Variants in SPTB observed in about 807,000 individuals in gnomAD.
SPTB encodes spectrin beta chain, erythrocytic.
A neutral mutation model predicts 256.2 loss-of-function variants in SPTB; 45 were observed. That is an observed-to-expected ratio of 0.18 (90% CI 0.14 to 0.23). SPTB has a LOEUF of 0.23. Ranked by LOEUF, SPTB falls within the 10% of genes least tolerant of loss-of-function variation. SPTB has a pLI of 1.00. For synonymous variants in SPTB, 1,231 were observed against 1,243.1 expected (o/e 0.99, Z 0.21); for missense variants, 2,715 against 3,040.4 (o/e 0.89, Z 2.52).
Position 64,852,273 on chromosome 14 carries a change from G to C in SPTB, c.-52+27519C>G, listed in dbSNP as rs150428915. On this transcript the variant is annotated intron_variant, in intron 1 of 35. Transcript: ENST00000644917. The surrounding 1 kb of genome is among the most constrained non-coding windows in gnomAD (Gnocchi z 4.2). The stretch of plus-strand genomic sequence containing the variant: ...GGAGCCAGGCACAACAGGGAAGTAA[G>C]AGGAAAGCATATGTGGAGGCATGGA... Among the ~76,000 whole-genome samples, 333 of 152,206 alleles carry C rather than the reference G, an allele frequency of 2.2e-3. 1 individual carries two copies. Among genetic ancestry groups the C allele is most frequent in the African/African-American group, 7.9e-3 (328 of 41,526 alleles).
chr14:64,803,235 T>C (rs1208725529), intron 4 of SPTB, among the ~76,000 whole-genome samples: 2 of 152,152 alleles, frequency 1.3e-5, no homozygotes, highest in East Asian at 3.9e-4. Flanking sequence ...GATTGGAAAA[T>C]ATACACACAG....
chr14:64,776,921 C>T (rs1447170524), intron 22 of SPTB, among the ~76,000 whole-genome samples: 1 of 152,186 alleles, frequency 6.6e-6, no homozygotes, highest in African/African-American at 2.4e-5. Flanking sequence ...ATGAAAATCC[C>T]TGCACTTTAA....
At chr14:64,851,460 CAGTAGTAGTAGT>C (rs576232036) in intron 1 of SPTB, among the ~76,000 whole-genome samples, 1 of 151,576 alleles carries the variant, frequency 6.6e-6, no homozygotes, top group Non-Finnish European at 1.5e-5. Flanking sequence ...GTAGCAGTAG[CAGTAGTAGTAGT>C]AGTAGTAGCA....
intron 1 of SPTB, among the ~76,000 whole-genome samples, chr14:64,833,384 C>G (rs2083477178): frequency 6.6e-6 from 1 of 152,022 alleles, no homozygotes. Context: ...AACAGAGGCT[C>G]TACTAAAAAT....
chr14:64,821,826 C>A (rs1184927472), intron 2 of SPTB, among the ~76,000 whole-genome samples: 4 of 152,088 alleles, frequency 2.6e-5, no homozygotes, highest in Admixed American at 2.6e-4. Flanking sequence ...ATTCCTTTCC[C>A]GGCATGAGAA....
Position 64,749,839 on chromosome 14 carries a change from T to C in SPTB, c.6776+142A>G, listed in dbSNP as rs1229704375. 9 of 1,483,438 alleles carry C rather than the reference T, an allele frequency of 6.1e-6. No individual in the cohort carries two copies. In the Admixed American group the frequency reaches 9.2e-5, roughly 15 times the overall value. The allele number at this position is 1,483,438 out of a possible 1,614,324, so 91.9% of individuals were successfully genotyped here. A position where few individuals can be genotyped will look rare whatever the true frequency, so the allele number is the denominator to read the frequency against. ...CAGCACTTTCTGAGAGGTCAAAGTC[T>C]GGACCATCAGCCTCTTTGATTTGAA... On this transcript the variant is annotated intron_variant, in intron 34 of 35. Coordinates refer to ENST00000644917, the MANE Select transcript of SPTB (RefSeq NM_001355436.2). This position sits in a 1 kb window ranked among gnomAD's most constrained non-coding sequence, Gnocchi z 4.7.
chr14:64,793,048 G>A lies in SPTB; in HGVS notation c.2615C>T (p.Ala872Val). 3 of 1,613,768 alleles carry A rather than the reference G, an allele frequency of 1.9e-6. No individual in the cohort carries two copies. The highest frequency in any genetic ancestry group is 2.2e-5 in the South Asian group (2 of 91,074). ...CAGGGTGTCTGGCATTTCCATCTCGGCCAGCCACTTCTCCTTCTCTCCCAT... is the reference window on the plus strand; with the variant it reads ...CAGGGTGTCTGGCATTTCCATCTCGACCAGCCACTTCTCCTTCTCTCCCAT... ...LWMGEKEKWLAEMEMPDTLED... is the reference protein window; with the variant it reads ...LWMGEKEKWLVEMEMPDTLED... The change falls in exon 14 of 36, where the codon GCC becomes GTC. Residue 872 changes from alanine (A) to valine (V), a missense_variant. This residue lies in a region of SPTB where 2,239 missense variants were observed against 2,384.4 expected (regional missense o/e 0.94). Coordinates refer to ENST00000644917, the MANE Select transcript of SPTB (RefSeq NM_001355436.2). The surrounding 1 kb of genome is among the most constrained non-coding windows in gnomAD (Gnocchi z 7.0).
At chr14:64,780,041 A>G in intron 20 of SPTB, 110 bp from the exon 21 acceptor site, 4 of 950,114 alleles carry the variant, frequency 4.2e-6, no homozygotes, top group South Asian at 1.3e-5. Context: ...TTTGAGCTCA[A>G]CTTCCTCCAA....
At chr14:64,776,217 G>A (rs1412125049) in intron 22 of SPTB, among the ~76,000 whole-genome samples, 1 of 152,162 alleles carries the variant, frequency 6.6e-6, no homozygotes, top group African/African-American at 2.4e-5. Context: ...AGGGGCAAGA[G>A]CAGCCCACAT....
chr14:64,780,089 T>A (rs1330294367), intron 20 of SPTB, among the ~76,000 whole-genome samples, 158 bp from the exon 21 acceptor site: 1 of 152,170 alleles, frequency 6.6e-6, no homozygotes, highest in East Asian at 1.9e-4. Context: ...CTTTCCCTCT[T>A]CTGAGTGCCT....
intron 32 of SPTB, among the ~76,000 whole-genome samples, chr14:64,762,179 GC>G (rs1555365881): frequency 9.2e-5 from 14 of 152,200 alleles, no homozygotes; most frequent in Non-Finnish European, 2.1e-4. Context: ...ACAGGAACAT[GC>G]CCAGGTTTTG....
In SPTB at chr14:64,792,918, A is replaced by AGACTAT; in HGVS notation, c.2666+73_2666+78dup. 1 of 1,600,550 alleles carries AGACTAT rather than the reference A, an allele frequency of 6.2e-7. No homozygotes were observed. Among genetic ancestry groups the AGACTAT allele is most frequent in the South Asian group, 1.1e-5 (1 of 89,908 alleles). ...CTCAAAGAGACCTTTGCTGATCCAG[A>AGACTAT]GACTATTACCAAACTAGGTGGGAGA... On this transcript the variant is annotated intron_variant, in intron 14 of 35. Coordinates refer to ENST00000644917, the MANE Select transcript of SPTB (RefSeq NM_001355436.2). This position sits in a 1 kb window ranked among gnomAD's most constrained non-coding sequence, Gnocchi z 4.2.
intron 1 of SPTB, among the ~76,000 whole-genome samples, chr14:64,848,186 C>G (rs1044486623): frequency 6.6e-6 from 1 of 152,194 alleles, no homozygotes; most frequent in African/African-American, 2.4e-5. Flanking sequence ...TTACCTTCCA[C>G]AAAGGTAGAA....
chr14:64,828,888 T>C (rs1489523261), intron 1 of SPTB, among the ~76,000 whole-genome samples: 3 of 152,206 alleles, frequency 2.0e-5, no homozygotes, highest in Non-Finnish European at 2.9e-5. Context: ...ACATTGAAAA[T>C]AGTCAAGAAT....
chr14:64,795,345 C>T lies in SPTB; in HGVS notation c.1636G>A (p.Glu546Lys). ...DMLHSIDWMDEIKAHLLSAEF... is the reference protein window; with the variant it reads ...DMLHSIDWMDKIKAHLLSAEF... ...CGGCCCCCAGGGCCCACCTTGATCTCATCCATCCAGTCGATGCTGTGCAGC... is the reference window on the plus strand; with the variant it reads ...CGGCCCCCAGGGCCCACCTTGATCTTATCCATCCAGTCGATGCTGTGCAGC... Residue 546 changes from glutamate (E) to lysine (K), a missense_variant, in exon 12 of 36, where the codon GAG (glutamate) becomes AAG (lysine). By Grantham distance (56) the Glu-to-Lys change is moderately conservative. Coordinates refer to ENST00000644917, the MANE Select transcript of SPTB (RefSeq NM_001355436.2). The surrounding 1 kb of genome is among the most constrained non-coding windows in gnomAD (Gnocchi z 6.5). 1 of 1,608,276 alleles carries T rather than the reference C, an allele frequency of 6.2e-7. No homozygotes were observed. Among genetic ancestry groups the T allele is most frequent in the Non-Finnish European group, 8.5e-7 (1 of 1,179,962 alleles).
chr14:64,808,264 G>C (rs1404887357), intron 2 of SPTB, among the ~76,000 whole-genome samples: 1 of 152,114 alleles, frequency 6.6e-6, no homozygotes, highest in Non-Finnish European at 1.5e-5. Flanking sequence ...CACCTGTCTT[G>C]ACCTCTCAAA....
intron 2 of SPTB, among the ~76,000 whole-genome samples, chr14:64,818,292 T>G (rs2139684400): frequency 6.6e-6 from 1 of 152,354 alleles, no homozygotes; most frequent in East Asian, 1.9e-4. Context: ...GGCTCCGGAC[T>G]GCTCCCTGCA....
At chr14:64,771,578 G>T (rs73273598) in intron 26 of SPTB, among the ~76,000 whole-genome samples, 9,602 of 152,154 alleles carry the variant, frequency 0.063, 787 homozygotes, top group African/African-American at 0.19. Context: ...GGGTACAGCT[G>T]GGATTTGCAC....
At position 64,824,906 on chromosome 14, in the gene SPTB, G is replaced by A. The variant is rs2083353277; in HGVS notation, c.-51-1761C>T. ...TCCTTGTGAGGTAAGATAGGAGCCA[G>A]GATTACCCACCCTAATTGCCTTGGG... On this transcript the variant is annotated intron_variant, in intron 1 of 35. Transcript: ENST00000644917. This position sits in a 1 kb window ranked among gnomAD's most constrained non-coding sequence, Gnocchi z 5.7. 1.3e-5 allele frequency among the ~76,000 whole-genome samples: 2 copies of A among 152,246 alleles called. No individual in the cohort carries two copies. The highest frequency in any genetic ancestry group is 2.1e-4 in the South Asian group (1 of 4,826).
Sources: allele counts gnomAD v4.1 joint callset (sites outside exome capture counted in the v4.1 genomes callset), GRCh38; gene constraint gnomAD v4.1.1; regional missense constraint gnomAD v4.1.1; non-coding constraint Gnocchi (gnomAD v3.1); transcripts MANE v1.5; gene names NCBI Gene and HGNC (gene_info 2026-07-23, HGNC 2026-07-21).